CBFA2T3: variants seen among roughly 807,000 people sequenced by gnomAD.
CBFA2T3 encodes the protein transcriptional corepressor CBFA2T3.
Under a neutral mutation model 58.6 loss-of-function variants are expected in CBFA2T3, and 31 were observed. The ratio of observed to expected loss-of-function variants is 0.53; its 90% confidence interval spans 0.40 to 0.71. The LOEUF (loss-of-function observed/expected upper bound fraction) is 0.71, where lower values mean the gene tolerates loss of function less well. Among genes scored for constraint, CBFA2T3 ranks in the 30% least tolerant of loss-of-function variants. The pLI is 0.00. For missense variants in CBFA2T3, 1,076 were observed against 963.1 expected, an observed-to-expected ratio of 1.12 and a Z score of -1.55; for synonymous variants, 531 against 421.9, an observed-to-expected ratio of 1.26 and a Z score of -3.17.
intron 11 of CBFA2T3, among the ~76,000 whole-genome samples, chr16:88,878,085 C>T (rs958787235): frequency 5.9e-5 from 9 of 152,232 alleles, no homozygotes; most frequent in African/African-American, 1.9e-4. Flanking sequence ...CCGGTCCCTC[C>T]GCTGGGCCCG....
intron 3 of CBFA2T3, 24 bp from the exon 4 acceptor site, chr16:88,892,509 G>C: frequency 1.2e-6 from 2 of 1,609,064 alleles, no homozygotes; most frequent in Non-Finnish European, 1.7e-6. Flanking sequence ...GCGGACATGA[G>C]GACACAAAGG....
chr16:88,928,348 C>T (rs940690952), intron 1 of CBFA2T3, among the ~76,000 whole-genome samples: 8 of 152,200 alleles, frequency 5.3e-5, no homozygotes, highest in South Asian at 2.1e-4. Context: ...CCAGGTGGAG[C>T]GGGCCCGGTC....
Position 88,975,208 on chromosome 16 carries a change from G to GGCCCTCTGCTCCTC in CBFA2T3, c.151+1448_151+1449insGAGGAGCAGAGGGC, listed in dbSNP as rs1567644055. Among the ~76,000 whole-genome samples the GGCCCTCTGCTCCTC allele has an allele frequency of 1.2e-3, 129 of 108,238 alleles. 1 individual carries two copies. The highest frequency in any genetic ancestry group is 1.7e-3 in the Non-Finnish European group (94 of 54,096). 71.0% of individuals were successfully genotyped at this position (108,238 alleles called of 152,430 possible). On this transcript the variant is annotated intron_variant, in intron 1 of 11. Coordinates refer to ENST00000268679, the MANE Select transcript of CBFA2T3 (RefSeq NM_005187.6). ...TTTAGCCATGTCAGAGGTCCACCCT[G>GGCCCTCTGCTCCTC]ACCCTCTGCTCCTCACCTGCAGCCA...
intron 1 of CBFA2T3, among the ~76,000 whole-genome samples, chr16:88,911,689 G>A (rs750128456): frequency 2.0e-5 from 3 of 152,280 alleles, no homozygotes; most frequent in African/African-American, 4.8e-5. Context: ...AGAACAGAGC[G>A]CCTGGCCGCT....
intron 1 of CBFA2T3, among the ~76,000 whole-genome samples, chr16:88,907,928 G>A (rs1970393677): frequency 6.6e-6 from 1 of 152,168 alleles, no homozygotes; most frequent in African/African-American, 2.4e-5. Context: ...TTCCCCAAAG[G>A]GTCTGGGCAT....
intron 5 of CBFA2T3, among the ~76,000 whole-genome samples, chr16:88,888,590 G>GGGGAAGGGTGCA (rs1969492357): frequency 1.0e-5 from 1 of 99,494 alleles, no homozygotes. Context: ...GGGTGGGGTG[G>GGGGAAGGGTGCA]GGTGGGGTGG....
chr16:88,898,692 G>C (rs1264127821), intron 2 of CBFA2T3, among the ~76,000 whole-genome samples: 1 of 152,192 alleles, frequency 6.6e-6, no homozygotes, highest in African/African-American at 2.4e-5. Flanking sequence ...CTGAAACAAA[G>C]CCCTGGGTCG....
At position 88,947,220 on chromosome 16, in the gene CBFA2T3, G is replaced by A. The variant is rs148819145; in HGVS notation, c.151+29437C>T. 2.7e-3 allele frequency among the ~76,000 whole-genome samples: 412 copies of A among 152,348 alleles called. 3 individuals are homozygous for A. The highest frequency in any genetic ancestry group is 4.8e-3 in the Non-Finnish European group (329 of 68,032). On this transcript the variant is annotated intron_variant, in intron 1 of 11. Coordinates refer to ENST00000268679, the MANE Select transcript of CBFA2T3 (RefSeq NM_005187.6). ...GAGTAATGAGAACTCGGCGCTTTCC[G>A]CCCAGTTGTCCTGTAAACCCAGAAC...
chr16:88,941,888 G>A (rs572986982), intron 1 of CBFA2T3: 238 of 148,838 alleles, frequency 1.6e-3, no homozygotes, highest in African/African-American at 5.2e-3. Context: ...GGGGAGTTGG[G>A]GGGGAGGTCG....
chr16:88,934,209 CA>C (rs139175503), intron 1 of CBFA2T3, among the ~76,000 whole-genome samples: 2,164 of 150,814 alleles, frequency 0.014, 25 homozygotes, highest in African/African-American at 0.035. Flanking sequence ...CACACGGAGG[CA>C]CCGGCGAGAA....
chr16:88,974,138 G>C (rs1354486098), intron 1 of CBFA2T3, among the ~76,000 whole-genome samples: 2 of 152,284 alleles, frequency 1.3e-5, no homozygotes, highest in East Asian at 3.9e-4. Context: ...ACCCTCCTCG[G>C]GTGACCTGGT....
chr16:88,963,865 C>T (rs1446203236), intron 1 of CBFA2T3, among the ~76,000 whole-genome samples: 1 of 152,244 alleles, frequency 6.6e-6, no homozygotes, highest in East Asian at 1.9e-4. Flanking sequence ...GGCAGGAGGC[C>T]TGGCCTGGCC....
intron 1 of CBFA2T3, among the ~76,000 whole-genome samples, chr16:88,915,749 G>A (rs1970696778): frequency 7.3e-6 from 1 of 136,566 alleles, no homozygotes; most frequent in Non-Finnish European, 1.6e-5. Context: ...GCGTGGGGGG[G>A]GAGTGTTAAG....
At chr16:88,921,169 A>C (rs1294856812) in intron 1 of CBFA2T3, among the ~76,000 whole-genome samples, 2 of 152,208 alleles carry the variant, frequency 1.3e-5, no homozygotes, top group East Asian at 3.9e-4. Context: ...GGGGAGGAAA[A>C]TATTTTTAAA....
intron 2 of CBFA2T3, among the ~76,000 whole-genome samples, chr16:88,900,153 A>T (rs1217657661): frequency 6.6e-6 from 1 of 152,228 alleles, no homozygotes; most frequent in Non-Finnish European, 1.5e-5. Flanking sequence ...TCTCTGAGGC[A>T]GGGCCGGCCC....
intron 11 of CBFA2T3, among the ~76,000 whole-genome samples, chr16:88,878,898 G>A (rs1450438926): frequency 6.6e-6 from 1 of 152,168 alleles, no homozygotes; most frequent in Non-Finnish European, 1.5e-5. Context: ...ATGAGCCGAG[G>A]TCATGCCACA....
chr16:88,926,808 C>A (rs970887859), intron 1 of CBFA2T3, among the ~76,000 whole-genome samples: 1 of 152,186 alleles, frequency 6.6e-6, no homozygotes, highest in Non-Finnish European at 1.5e-5. Flanking sequence ...CTCGGTGCAC[C>A]GTGGGCTCCC....
At chr16:88,941,962 CCCG>C (rs1447089465) in intron 1 of CBFA2T3, 4 of 151,162 alleles carry the variant, frequency 2.6e-5, no homozygotes, top group African/African-American at 9.7e-5. Context: ...CCTGGCCCGG[CCCG>C]GGGCCACCTC....
In CBFA2T3 at chr16:88,901,619, C is replaced by G. The variant is rs747472449; in HGVS notation, c.189G>C (p.Pro63=). The change falls in exon 2 of 12, where the codon CCG becomes CCC. Residue 63 remains proline (P), a synonymous_variant. Transcript: ENST00000268679. ...GCGTCTTCACCTCCGCTGGGGAGTC[C>G]GGCATCGCTGAGGCCTTAGCTTTCC... ...VDRKAKASAM[P]DSPAEVKTQP... is the part of the protein sequence containing the mutation. 2 of 1,526,274 alleles carry G rather than the reference C, an allele frequency of 1.3e-6. No individual in the cohort carries two copies. The highest frequency in any genetic ancestry group is 1.7e-6 in the Non-Finnish European group (2 of 1,148,990). The allele number at this position is 1,526,274 out of a possible 1,614,324, so 94.5% of individuals were successfully genotyped here.
Sources: allele counts gnomAD v4.1 joint callset (sites outside exome capture counted in the v4.1 genomes callset), GRCh38; gene constraint gnomAD v4.1.1; transcripts MANE v1.5; gene names NCBI Gene and HGNC (gene_info 2026-07-23, HGNC 2026-07-21).